SMC5: variants seen among roughly 807,000 people sequenced by gnomAD.
The protein encoded by SMC5 is structural maintenance of chromosomes 5.
SMC5 carries 88 observed loss-of-function variants against 148.3 expected under a neutral mutation model. The ratio of observed to expected loss-of-function variants is 0.59; its 90% CI spans 0.50 to 0.71. The LOEUF is 0.71. SMC5 is among the 30% of genes least tolerant of loss of function. SMC5 has a pLI of 0.00. For synonymous variants in SMC5, 421 were observed against 432.8 expected (o/e 0.97, Z 0.34); for missense variants, 1,142 against 1,298.9 (o/e 0.88, Z 1.86).
intron 2 of SMC5, among the ~76,000 whole-genome samples, chr9:70,267,492 G>A (rs2034321846): frequency 6.6e-6 from 1 of 152,158 alleles, no homozygotes; most frequent in Non-Finnish European, 1.5e-5. Flanking sequence ...GCGACTGTAG[G>A]AAGTCTTCAA....
At chr9:70,261,916 C>G (rs894630616) in intron 1 of SMC5, among the ~76,000 whole-genome samples, 2 of 152,208 alleles carry the variant, frequency 1.3e-5, no homozygotes, top group South Asian at 4.1e-4. Context: ...AAAGAGCCCA[C>G]TGCATTTAGC....
At chr9:70,316,317 A>G (rs78152845) in intron 13 of SMC5, among the ~76,000 whole-genome samples, 16 of 151,966 alleles carry the variant, frequency 1.1e-4, no homozygotes, top group Non-Finnish European at 2.9e-5. Context: ...AATATTTATT[A>G]AAAAATATGT....
At chr9:70,310,130 A>G (rs1056570117) in intron 11 of SMC5, among the ~76,000 whole-genome samples, 2 of 152,160 alleles carry the variant, frequency 1.3e-5, no homozygotes, top group Admixed American at 1.3e-4. Context: ...TTACAGGTGT[A>G]AGCCACCACA....
intron 3 of SMC5, among the ~76,000 whole-genome samples, chr9:70,273,060 T>A (rs1202133010): frequency 2.6e-5 from 4 of 152,194 alleles, no homozygotes; most frequent in African/African-American, 9.6e-5. Context: ...TTTTCTAGTA[T>A]TTTATTTAGA....
At chr9:70,270,671 C>T (rs1276857136) in intron 3 of SMC5, among the ~76,000 whole-genome samples, 4 of 96,644 alleles carry the variant, frequency 4.1e-5, no homozygotes, top group East Asian at 6.4e-4. Flanking sequence ...TTTTTTGGGA[C>T]GGAGTGTCAC....
chr9:70,264,272 C>G (rs1258431059), intron 1 of SMC5, 32 bp from the exon 2 acceptor site: 1 of 1,589,470 alleles, frequency 6.3e-7, no homozygotes, highest in South Asian at 1.2e-5. Context: ...TTTTGTATCT[C>G]TCCTTAATAA....
In SMC5 at chr9:70,278,694, G is replaced by GT. The variant is rs1171770739; in HGVS notation, c.678+69_678+70insT. The GT allele has an allele frequency of 8.2e-6, 12 of 1,455,034 alleles. No homozygotes were observed. The Admixed American group carries it at 2.8e-4, about 34-fold the overall frequency. The allele number at this position is 1,455,034 out of a possible 1,614,324, so 90.1% of individuals were successfully genotyped here. On this transcript the variant is annotated intron_variant, in intron 5 of 24. Coordinates refer to ENST00000361138, the MANE Select transcript of SMC5 (RefSeq NM_015110.4). Reference sequence around the variant, plus strand: ...TCTGTATCTCAGAACATGGGAGAGAGAGTAGTAGTATTGATTCATTGAGTG... The same window carrying GT: ...TCTGTATCTCAGAACATGGGAGAGAGTAGTAGTAGTATTGATTCATTGAGTG...
Position 70,280,890 on chromosome 9 carries a change from G to A in SMC5, c.810G>A (p.Arg270=). 6.2e-7 allele frequency: 1 copy of A among 1,613,892 alleles called. No individual in the cohort carries two copies. The highest frequency in any genetic ancestry group is 8.5e-7 in the Non-Finnish European group (1 of 1,179,954). Residue 270 remains arginine, a synonymous_variant, in exon 6 of 25, where the codon AGG becomes AGA. Transcript: ENST00000361138. ...LDLIEMLEAK[R]PWVEYENVRQ... is the part of the protein sequence containing the mutation. ...TAATTGAGATGCTTGAAGCAAAAAGGCCATGGGTGGTAAGTCATAATTTTT... is the reference window on the plus strand; with the variant it reads ...TAATTGAGATGCTTGAAGCAAAAAGACCATGGGTGGTAAGTCATAATTTTT...
In SMC5 at chr9:70,354,191, T is replaced by G. The variant is rs1312158879; in HGVS notation, c.*1860T>G. 1 of 152,376 alleles carries G rather than the reference T, an allele frequency of 6.6e-6. No homozygotes were observed. The highest frequency in any genetic ancestry group is 6.5e-5 in the Admixed American group (1 of 15,284). The allele number at this position is 152,376 out of a possible 1,614,324, so 9.4% of individuals were successfully genotyped here. On this transcript the variant is annotated 3_prime_UTR_variant, in exon 25 of 25. Transcript: ENST00000361138. The stretch of plus-strand genomic sequence containing the variant: ...AAACAGTAGTAAGTCTAGCACATAG[T>G]CTCAGCCACTTAAAACAAAAGTTTT...
chr9:70,302,188 A>G (rs573747576), intron 10 of SMC5, among the ~76,000 whole-genome samples: 81 of 152,250 alleles, frequency 5.3e-4, no homozygotes, highest in African/African-American at 1.8e-3. Flanking sequence ...CCTGGCTAAC[A>G]TGGTGAAACC....
intron 11 of SMC5, among the ~76,000 whole-genome samples, chr9:70,310,595 A>G (rs1035852299): frequency 6.6e-6 from 1 of 152,212 alleles, no homozygotes; most frequent in Admixed American, 6.5e-5. Context: ...GCTTCAACTT[A>G]AAAGTCAGTA....
At chr9:70,292,996 A>C (rs1472074642) in intron 8 of SMC5, among the ~76,000 whole-genome samples, 3 of 152,126 alleles carry the variant, frequency 2.0e-5, no homozygotes, top group African/African-American at 7.2e-5. Flanking sequence ...TAGGATAATA[A>C]CTAGCTTCAT....
At chr9:70,264,486 T>C (rs1413184608) in intron 2 of SMC5, 41 bp downstream of exon 2, 2 of 1,601,692 alleles carry the variant, frequency 1.2e-6, no homozygotes, top group South Asian at 2.2e-5. Context: ...TTCAAACCTA[T>C]TAATTGCTTT....
At chr9:70,280,520 C>A (rs1395698709) in intron 5 of SMC5, among the ~76,000 whole-genome samples, 2 of 152,150 alleles carry the variant, frequency 1.3e-5, no homozygotes, top group Non-Finnish European at 2.9e-5. Flanking sequence ...ACAGTTAGGA[C>A]TAATAAATTG....
chr9:70,350,713 G>C (rs543458654), intron 24 of SMC5, among the ~76,000 whole-genome samples: 11 of 152,246 alleles, frequency 7.2e-5, no homozygotes, highest in Non-Finnish European at 1.3e-4. Flanking sequence ...TTCTCTTCTA[G>C]AAAAGGTACT....
At chr9:70,336,606 G>T (rs546677138) in intron 17 of SMC5, among the ~76,000 whole-genome samples, 1 of 152,286 alleles carries the variant, frequency 6.6e-6, no homozygotes, top group South Asian at 2.1e-4. Flanking sequence ...GCCTCATCAG[G>T]GCTTATTTCC....
intron 3 of SMC5, among the ~76,000 whole-genome samples, chr9:70,268,462 C>CAAAAAAAAAAAAAAA (rs142412181): frequency 7.0e-6 from 1 of 142,338 alleles, no homozygotes; most frequent in African/African-American, 2.7e-5. Context: ...CTGCCCCCCC[C>CAAAAAAAAAAAAAAA]AAAAAAAAAA....
chr9:70,349,526 G>T (rs974985506), intron 22 of SMC5, among the ~76,000 whole-genome samples: 7 of 152,098 alleles, frequency 4.6e-5, no homozygotes, highest in Non-Finnish European at 1.0e-4. Flanking sequence ...CACCTATTAC[G>T]TGCCAGGCTT....
chr9:70,309,318 C>CTTTTTTTTTTTTTTTTTTTTTTTTT, intron 11 of SMC5, among the ~76,000 whole-genome samples: 1 of 79,180 alleles, frequency 1.3e-5, no homozygotes, highest in African/African-American at 4.6e-5. Context: ...TTTCCTTTTC[C>CTTTTTTTTTTTTTTTTTTTTTTTTT]TTTTTTTTTT....
Sources: allele counts gnomAD v4.1 joint callset (sites outside exome capture counted in the v4.1 genomes callset), GRCh38; gene constraint gnomAD v4.1.1; transcripts MANE v1.5; gene names NCBI Gene and HGNC (gene_info 2026-07-23, HGNC 2026-07-21).